The following LIMCH1 variants were observed in gnomAD, a reference collection of about 807,000 sequenced individuals.
LIMCH1 encodes the protein LIM and calponin homology domains 1.
In LIMCH1, 113 loss-of-function variants were observed where a neutral mutation model predicts 176.5. The ratio of observed to expected loss-of-function variants is 0.64; its 90% CI spans 0.55 to 0.75. The LOEUF (loss-of-function observed/expected upper bound fraction) is 0.75. LIMCH1 is among the 30% of genes least tolerant of loss of function. The pLI is 0.00. For synonymous variants in LIMCH1, 619 were observed against 645.9 expected (o/e 0.96, Z 0.63); for missense variants, 1,674 against 1,814.9 (o/e 0.92, Z 1.41).
intron 5 of LIMCH1, among the ~76,000 whole-genome samples, chr4:41,615,723 A>G (rs1226385870): frequency 2.0e-5 from 3 of 152,230 alleles, no homozygotes; most frequent in Non-Finnish European, 4.4e-5. Context: ...AAACACTTCC[A>G]AATTTGAAAA....
At chr4:41,552,229 A>G (rs1486886155) in intron 1 of LIMCH1, among the ~76,000 whole-genome samples, 4 of 152,144 alleles carry the variant, frequency 2.6e-5, no homozygotes, top group African/African-American at 4.8e-5. Flanking sequence ...GGGAGCTACA[A>G]TTGAAGATGA....
At chr4:41,662,391 T>A (rs977420207) in intron 19 of LIMCH1, among the ~76,000 whole-genome samples, 1 of 152,144 alleles carries the variant, frequency 6.6e-6, no homozygotes, top group Non-Finnish European at 1.5e-5. Context: ...ATTAAGAAAT[T>A]CTGATGTTAA....
intron 1 of LIMCH1, among the ~76,000 whole-genome samples, chr4:41,472,416 A>C (rs2067112833): frequency 1.5e-5 from 2 of 134,826 alleles, no homozygotes; most frequent in African/African-American, 2.8e-5. Context: ...TTTCCTTCCT[A>C]CTTTCTTCTT....
chr4:41,405,126 C>T (rs905036785), intron 1 of LIMCH1, among the ~76,000 whole-genome samples: 7 of 151,962 alleles, frequency 4.6e-5, no homozygotes, highest in Non-Finnish European at 5.9e-5. Context: ...TTTTCTTTAC[C>T]GTACTATCCA....
intron 1 of LIMCH1, among the ~76,000 whole-genome samples, chr4:41,491,414 C>A (rs1354080862): frequency 6.8e-6 from 1 of 146,510 alleles, no homozygotes; most frequent in Non-Finnish European, 1.5e-5. Flanking sequence ...CCCCACCTCC[C>A]AGATGAAGGG....
rs139643746 is a variant in LIMCH1, at chr4:41,656,782, T to C, written c.3037-4638T>C. ...GAAATCGCTCAGAGTCACAGAACCG[T>C]TGCTCGGGAAAGGACGTTGGACATC... is the stretch of plus-strand genomic sequence containing the variant. On this transcript the variant is annotated intron_variant, in intron 18 of 31. Coordinates refer to ENST00000503057, the MANE Select transcript of LIMCH1 (RefSeq NM_001330672.2). 6.4e-4 allele frequency among the ~76,000 whole-genome samples: 98 copies of C among 152,296 alleles called. No homozygotes were observed. In the East Asian group the frequency reaches 0.018, roughly 28 times the overall value.
chr4:41,659,251 A>G (rs1323754594), intron 18 of LIMCH1, among the ~76,000 whole-genome samples: 1 of 152,182 alleles, frequency 6.6e-6, no homozygotes, highest in Non-Finnish European at 1.5e-5. Context: ...AAATATTACA[A>G]AATCCAAGGT....
At chr4:41,456,506 A>T (rs779362242) in intron 1 of LIMCH1, among the ~76,000 whole-genome samples, 17 of 152,290 alleles carry the variant, frequency 1.1e-4, no homozygotes, top group Middle Eastern at 6.8e-3. Flanking sequence ...TATGCCCTTG[A>T]CCATCTTCTT....
intron 1 of LIMCH1, among the ~76,000 whole-genome samples, chr4:41,597,449 T>C (rs957007141): frequency 2.0e-5 from 3 of 152,222 alleles, no homozygotes; most frequent in Non-Finnish European, 4.4e-5. Context: ...ATGTATTAAT[T>C]TTTTTATTAC....
chr4:41,550,375 G>T (rs1462052167), intron 1 of LIMCH1, among the ~76,000 whole-genome samples: 1 of 151,734 alleles, frequency 6.6e-6, no homozygotes, highest in Admixed American at 6.6e-5. Flanking sequence ...TATTCTCCTA[G>T]GTATTTAAAA....
intron 1 of LIMCH1, among the ~76,000 whole-genome samples, chr4:41,475,762 A>T (rs2067636990): frequency 6.6e-6 from 1 of 152,170 alleles, no homozygotes; most frequent in Admixed American, 6.5e-5. Flanking sequence ...TACCTAGTGC[A>T]TGCGGAGCTT....
intron 1 of LIMCH1, among the ~76,000 whole-genome samples, chr4:41,362,754 C>T (rs2052333811): frequency 6.6e-6 from 1 of 152,140 alleles, no homozygotes. Context: ...TCTCCTTTGG[C>T]CCAGATTACA....
chr4:41,515,382 C>T (rs1421141454), intron 2 of LIMCH1, among the ~76,000 whole-genome samples: 2 of 152,216 alleles, frequency 1.3e-5, no homozygotes, highest in Non-Finnish European at 2.9e-5. Flanking sequence ...TTGTCTCGTT[C>T]CCTCACTGCT....
At chr4:41,661,325 C>A in intron 18 of LIMCH1, 95 bp from the exon 19 acceptor site, 1 of 844,762 alleles carries the variant, frequency 1.2e-6, no homozygotes, top group Non-Finnish European at 1.9e-6. Context: ...TATGGCCAAA[C>A]CACTTTGTTG....
At chr4:41,595,358 G>A (rs1377109418) in intron 1 of LIMCH1, among the ~76,000 whole-genome samples, 1 of 151,900 alleles carries the variant, frequency 6.6e-6, no homozygotes, top group South Asian at 2.1e-4. Flanking sequence ...TTGGAGAGGC[G>A]GGAAAAGGAA....
At chr4:41,675,938 A>T (rs28556652) in intron 22 of LIMCH1, among the ~76,000 whole-genome samples, 8,472 of 152,244 alleles carry the variant, frequency 0.056, 755 homozygotes, top group African/African-American at 0.19. Flanking sequence ...AAGCAACAGT[A>T]GTATAAAAGA....
At chr4:41,647,368 G>C (rs1390311434) in intron 17 of LIMCH1, among the ~76,000 whole-genome samples, 1 of 152,192 alleles carries the variant, frequency 6.6e-6, no homozygotes, top group Non-Finnish European at 1.5e-5. Context: ...CATCCAAAAA[G>C]ATTTTACAAT....
chr4:41,604,093 G>T (rs2090354113), intron 3 of LIMCH1, 188 bp downstream of exon 3: 1 of 597,008 alleles, frequency 1.7e-6, no homozygotes, highest in South Asian at 7.4e-5. Context: ...CTGGGGTGGT[G>T]GTGGTTCTCT....
chr4:41,360,341 C>T (rs1327101466), upstream of LIMCH1, among the ~76,000 whole-genome samples: 2 of 152,106 alleles, frequency 1.3e-5, no homozygotes, highest in African/African-American at 2.4e-5. The surrounding 1 kb of genome is among the most constrained non-coding windows in gnomAD (Gnocchi z 4.5). Flanking sequence ...TCCGGTGCCG[C>T]AGCGCCCGCT....
Sources: gnomAD v4.1 joint callset for allele counts (sites outside exome capture counted in the v4.1 genomes callset) on GRCh38, gnomAD v4.1.1 for gene constraint, Gnocchi (gnomAD v3.1) non-coding constraint, MANE v1.5 for transcripts, NCBI Gene and HGNC (gene_info 2026-07-23, HGNC 2026-07-21) for gene names.